The following ABCC1 variants were observed in gnomAD, a reference collection of about 807,000 sequenced individuals.
ABCC1 encodes ATP binding cassette subfamily C member 1 (ABCC1 blood group).
ABCC1 carries 83 observed loss-of-function variants against 172.9 expected under a neutral mutation model. That is an observed-to-expected ratio of 0.48 (90% CI 0.40 to 0.58). The LOEUF (loss-of-function observed/expected upper bound fraction) is 0.58, where lower values mean the gene tolerates loss of function less well. Among genes scored for constraint, ABCC1 ranks in the 20% least tolerant of loss-of-function variants. The pLI, the probability that ABCC1 is intolerant of heterozygous loss-of-function variation, is 0.00. For synonymous variants in ABCC1, 937 were observed against 825.2 expected (o/e 1.14, Z -2.32); for missense variants, 1,817 against 2,002.7 (o/e 0.91, Z 1.77).
At chr16:16,034,396 A>G (rs568851031) in intron 6 of ABCC1, among the ~76,000 whole-genome samples, 1 of 152,238 alleles carries the variant, frequency 6.6e-6, no homozygotes, top group African/African-American at 2.4e-5. Flanking sequence ...TCAAGTTACT[A>G]TTAAAAAGCA....
At chr16:15,979,832 G>A (rs1335687875) in intron 1 of ABCC1, among the ~76,000 whole-genome samples, 1 of 152,112 alleles carries the variant, frequency 6.6e-6, no homozygotes, top group Non-Finnish European at 1.5e-5. Context: ...CTGGTGTGGT[G>A]TGTGCCTGGC....
rs557441888 is a variant in ABCC1, at chr16:15,953,651, C to CA, written c.48+3853dup. Among the ~76,000 whole-genome samples the CA allele has an allele frequency of 3.9e-4, 59 of 152,304 alleles. 1 individual carries two copies. The highest frequency in any genetic ancestry group is 1.3e-3 in the African/African-American group (56 of 41,578). On this transcript the variant is annotated intron_variant, in intron 1 of 30. Coordinates refer to ENST00000399410, the MANE Select transcript of ABCC1 (RefSeq NM_004996.4). ...ATTCTCCAGTTAATTTTTGCTGTTG[C>CA]ACCAACTGCCACTGGAGAAGACCAG... is the stretch of plus-strand genomic sequence containing the variant.
intron 1 of ABCC1, among the ~76,000 whole-genome samples, chr16:15,954,828 C>G (rs1212244451): frequency 1.3e-5 from 2 of 152,192 alleles, no homozygotes; most frequent in Non-Finnish European, 2.9e-5. Flanking sequence ...TTTGTGGACA[C>G]AACTTTTAGG....
At chr16:16,067,469 G>C (rs189524290) in intron 12 of ABCC1, among the ~76,000 whole-genome samples, 2 of 152,290 alleles carry the variant, frequency 1.3e-5, no homozygotes, top group East Asian at 1.9e-4. Context: ...CATCTGTTGA[G>C]TTTTACTGTG....
At chr16:15,957,577 AATG>A (rs2151488491) in intron 1 of ABCC1, among the ~76,000 whole-genome samples, 1 of 152,002 alleles carries the variant, frequency 6.6e-6, no homozygotes, top group East Asian at 2.0e-4. Context: ...TAATTATAGG[AATG>A]ACTGTGATTT....
rs1005552999 is a variant in ABCC1, at chr16:16,092,660, G to A, written c.2644+2072G>A. 2.6e-5 allele frequency among the ~76,000 whole-genome samples: 4 copies of A among 152,178 alleles called. No homozygotes were observed. The East Asian group carries it at 7.7e-4, about 29-fold the overall frequency. On this transcript the variant is annotated intron_variant, in intron 19 of 30. Transcript: ENST00000399410. ...AGGTTTTTTCCACTTTCTGACTCTT[G>A]TGAATACTGCTGTCATGAGCCCTGG...
intron 1 of ABCC1, among the ~76,000 whole-genome samples, chr16:15,987,423 G>A (rs965149919): frequency 2.0e-5 from 3 of 152,182 alleles, no homozygotes; most frequent in African/African-American, 4.8e-5. Context: ...GCTTGGTCAG[G>A]GAGGGATTCT....
At chr16:16,076,553 G>A in intron 15 of ABCC1, 152 bp downstream of exon 15, 1 of 690,604 alleles carries the variant, frequency 1.4e-6, no homozygotes, top group Non-Finnish European at 2.3e-6. Flanking sequence ...TGGACAATGG[G>A]TGCAGATACA....
At chr16:16,008,023 G>A (rs758503811) in intron 2 of ABCC1, 31 bp downstream of exon 2, 3 of 545,258 alleles carry the variant, frequency 5.5e-6, no homozygotes, top group South Asian at 3.5e-5. Flanking sequence ...GTTGTGGGGG[G>A]TGGGAAGGTG....
intron 30 of ABCC1, 126 bp from the exon 31 acceptor site, chr16:16,141,047 C>T (rs1440828425): frequency 6.8e-6 from 5 of 738,086 alleles, no homozygotes; most frequent in Admixed American, 2.1e-5. Context: ...GAAGGTACTG[C>T]ACCAGTCCTA....
At chr16:15,996,906 C>A (rs995957547) in intron 1 of ABCC1, among the ~76,000 whole-genome samples, 2 of 152,078 alleles carry the variant, frequency 1.3e-5, no homozygotes, top group East Asian at 3.9e-4. Context: ...GAAAACATGA[C>A]GCTATGCAAC....
chr16:16,065,026 G>A (rs551488821), intron 12 of ABCC1, among the ~76,000 whole-genome samples: 6 of 152,332 alleles, frequency 3.9e-5, no homozygotes, highest in Middle Eastern at 3.4e-3. Flanking sequence ...CTTGATGGAG[G>A]TAAAGAGGCC....
chr16:16,061,755 T>C (rs2049922909), intron 12 of ABCC1, among the ~76,000 whole-genome samples: 1 of 149,488 alleles, frequency 6.7e-6, no homozygotes, highest in Non-Finnish European at 1.5e-5. Flanking sequence ...ACAAAATGGC[T>C]TTTTTTTTCT....
chr16:16,062,331 C>G (rs979750110), intron 12 of ABCC1, among the ~76,000 whole-genome samples: 2 of 152,118 alleles, frequency 1.3e-5, no homozygotes, highest in African/African-American at 4.8e-5. Context: ...ACTGGCTTTT[C>G]TTCTCTTTTT....
At chr16:16,109,876 T>C (rs1057508073) in intron 21 of ABCC1, among the ~76,000 whole-genome samples, 3 of 152,170 alleles carry the variant, frequency 2.0e-5, no homozygotes, top group Non-Finnish European at 4.4e-5. Flanking sequence ...CTGCTTTCTG[T>C]CAGTCTTGGC....
At chr16:16,090,681 G>C in intron 19 of ABCC1, 93 bp downstream of exon 19, 1 of 1,381,812 alleles carries the variant, frequency 7.2e-7, no homozygotes, top group South Asian at 1.5e-5. Context: ...GCCACTTGGG[G>C]AAGGCGGCTC....
rs147418825 is a variant in ABCC1, at chr16:16,076,255, GAA to G, written c.1913-69_1913-68del. On this transcript the variant is annotated intron_variant, in intron 14 of 30. Transcript: ENST00000399410. ...TCTGGGGTTGAACCATTCAAGCAGA[GAA>G]AGAGAGTGTTCTGTGCATGTGGAGT... 3,966 of 1,474,586 alleles carry G rather than the reference GAA, an allele frequency of 2.7e-3. 82 individuals carry two copies. The African/African-American group carries it at 0.045, about 17-fold the overall frequency. The allele number at this position is 1,474,586 out of a possible 1,614,324, so 91.3% of individuals were successfully genotyped here. A position where few individuals can be genotyped will look rare whatever the true frequency, so the allele number is the denominator to read the frequency against.
At chr16:15,992,464 A>G (rs1284564537) in intron 1 of ABCC1, among the ~76,000 whole-genome samples, 1 of 151,858 alleles carries the variant, frequency 6.6e-6, no homozygotes, top group East Asian at 1.9e-4. Context: ...CAGTGGCACA[A>G]TCTCGGCTCA....
chr16:16,113,991 A>T (rs1023036424), intron 22 of ABCC1, among the ~76,000 whole-genome samples: 1 of 152,146 alleles, frequency 6.6e-6, no homozygotes, highest in Admixed American at 6.5e-5. Context: ...GATGCTCAGG[A>T]GGTGACCACC....
Sources: allele counts gnomAD v4.1 joint callset (sites outside exome capture counted in the v4.1 genomes callset), GRCh38; gene constraint gnomAD v4.1.1; transcripts MANE v1.5; gene names NCBI Gene and HGNC (gene_info 2026-07-23, HGNC 2026-07-21).